Variants in USP36 observed in about 807,000 individuals in gnomAD.
USP36 encodes ubiquitin carboxyl-terminal hydrolase 36.
A neutral mutation model predicts 111.5 loss-of-function variants in USP36; 59 were observed. That is an observed-to-expected ratio of 0.53 (90% confidence interval 0.43 to 0.66). The LOEUF is 0.66. Ranked by LOEUF, USP36 falls within the 30% of genes least tolerant of loss-of-function variation. The pLI is 0.00. For missense variants in USP36, 1,488 were observed against 1,468.0 expected (o/e 1.01, Z -0.22); for synonymous variants, 628 against 581.0 (o/e 1.08, Z -1.16).
intron 5 of USP36, 87 bp downstream of exon 5, chr17:78,828,810 G>C (rs1567963855): frequency 3.0e-6 from 4 of 1,341,772 alleles, no homozygotes; most frequent in Non-Finnish European, 3.1e-6. Flanking sequence ...TTTAAGACCA[G>C]CCTGGGCAAC....
At chr17:78,806,100 C>G (rs995422654) in intron 15 of USP36, 56 bp downstream of exon 15, 5 of 1,608,532 alleles carry the variant, frequency 3.1e-6, no homozygotes, top group African/African-American at 1.3e-5. Context: ...CAGCCAAGCA[C>G]ACGCAACCAC....
rs1408542989 is a variant in USP36, at chr17:78,803,105, ATT to A, written c.2810+278_2810+279del. Among the ~76,000 whole-genome samples, 4 of 151,746 alleles carry A rather than the reference ATT, an allele frequency of 2.6e-5. No homozygotes were observed. The highest frequency in any genetic ancestry group is 1.3e-4 in the Admixed American group (2 of 15,224). ...AGGTGCATGCCACCATGCCCAACCA[ATT>A]TTTGTTTTTGGTAGAGAAAGGGCTT... is the stretch of plus-strand genomic sequence containing the variant. On this transcript the variant is annotated intron_variant, in intron 16 of 20. Transcript: ENST00000449938. This position sits in a 1 kb window ranked among gnomAD's most constrained non-coding sequence, Gnocchi z 4.6.
At position 78,803,804 on chromosome 17, in the gene USP36, C is replaced by G; in HGVS notation, c.2391G>C (p.Gln797His). The change falls in exon 16 of 21, where the codon CAG becomes CAC. Residue 797 changes from glutamine (Q) to histidine (H), a missense_variant. By Grantham distance (24) the Gln-to-His change is conservative. This residue lies in a region of USP36 where 1,073 missense variants were observed against 994.1 expected (regional missense o/e 1.08). Transcript: ENST00000449938. This position sits in a 1 kb window ranked among gnomAD's most constrained non-coding sequence, Gnocchi z 4.6. ...VNEDLVSLPH[Q>H]LPEASEPPQS... is the part of the protein sequence containing the mutation. ...GGGGGGGCTCACTGGCCTCTGGCAA[C>G]TGGTGTGGAAGAGACACAAGGTCCT... is the stretch of plus-strand genomic sequence containing the variant. The G allele has an allele frequency of 1.9e-6, 3 of 1,612,896 alleles. No individual in the cohort carries two copies. The highest frequency in any genetic ancestry group is 1.7e-4 in the Middle Eastern group (1 of 5,978).
chr17:78,834,384 T>C (rs2068450541), intron 4 of USP36, among the ~76,000 whole-genome samples: 1 of 152,106 alleles, frequency 6.6e-6, no homozygotes, highest in Admixed American at 6.6e-5. Context: ...AGTTATATCT[T>C]ATTTCACCTC....
At chr17:78,821,402 ATATATATATATATATATATTTTT>A (rs981678549) in intron 7 of USP36, 3 of 52,816 alleles carry the variant, frequency 5.7e-5, no homozygotes, top group Admixed American at 2.2e-4. Flanking sequence ...ATATATATAT[ATATATATATATATATATATTTTT>A]TTTTTTTTTT....
chr17:78,828,829 A>G (rs1599085588), intron 5 of USP36, 68 bp downstream of exon 5: 6 of 1,474,640 alleles, frequency 4.1e-6, no homozygotes, highest in Non-Finnish European at 5.5e-6. Context: ...ACATAGCGAG[A>G]ACCCCATCTC....
At chr17:78,813,946 G>A in intron 11 of USP36, 73 bp from the exon 12 acceptor site, 3 of 1,349,242 alleles carry the variant, frequency 2.2e-6, no homozygotes, top group Non-Finnish European at 2.1e-6. Flanking sequence ...TTTTAAAAAG[G>A]GAATAAAAAA....
At chr17:78,823,719 T>G (rs1448162568) in intron 6 of USP36, among the ~76,000 whole-genome samples, 1 of 151,856 alleles carries the variant, frequency 6.6e-6, no homozygotes, top group Non-Finnish European at 1.5e-5. Flanking sequence ...CAGGCAGCCT[T>G]AGAAGGGCAG....
intron 1 of USP36, among the ~76,000 whole-genome samples, chr17:78,839,943 C>G (rs929417639): frequency 1.6e-4 from 25 of 152,242 alleles, no homozygotes; most frequent in African/African-American, 5.5e-4. Flanking sequence ...CCGCTCCCTC[C>G]TCCTTCTAAA....
downstream of USP36, among the ~76,000 whole-genome samples, chr17:78,794,549 G>A (rs1451807928): frequency 1.3e-5 from 2 of 152,116 alleles, 1 homozygote; most frequent in Non-Finnish European, 2.9e-5. Context: ...GACTCTGCCC[G>A]CCGCCTGCGA....
chr17:78,821,414 ATATATATTTTT>A (rs1447454361), intron 7 of USP36: 1 of 53,054 alleles, frequency 1.9e-5, no homozygotes, highest in Non-Finnish European at 3.3e-5. Flanking sequence ...ATATATATAT[ATATATATTTTT>A]TTTTTTTTTT....
At chr17:78,813,716 G>A (rs538949913) in intron 12 of USP36, 57 bp downstream of exon 12, 15 of 1,505,938 alleles carry the variant, frequency 1.0e-5, no homozygotes, top group Admixed American at 1.8e-5. Flanking sequence ...GAGGCCCACC[G>A]GTATAAGAAA....
Position 78,806,968 on chromosome 17 carries a change from A to G in USP36, c.2076T>C (p.Ser692=), listed in dbSNP as rs1452869966. 1 of 1,613,846 alleles carries G rather than the reference A, an allele frequency of 6.2e-7. No individual in the cohort carries two copies. Among genetic ancestry groups the G allele is most frequent in the East Asian group, 2.2e-5 (1 of 44,888 alleles). Residue 692 remains serine (S), a synonymous_variant, in exon 14 of 21, where the codon TCT becomes TCC. Transcript: ENST00000449938. Reference sequence around the variant, plus strand: ...ACCCCCACACACCCACCTTCTTGGCAGAAAGGGCCAGTTTTTTGGCTGGTG... The same window carrying G: ...ACCCCCACACACCCACCTTCTTGGCGGAAAGGGCCAGTTTTTTGGCTGGTG... ...SPPPAKKLAL[S]AKKASTLWRA...
In USP36 at chr17:78,803,497, G is replaced by C; in HGVS notation, c.2698C>G (p.Gln900Glu). 6.2e-7 allele frequency: 1 copy of C among 1,613,946 alleles called. No individual in the cohort carries two copies. The highest frequency in any genetic ancestry group is 8.5e-7 in the Non-Finnish European group (1 of 1,180,028). ...DGTQPQVNGQ[Q>E]VGCVTDGHHA... is the part of the protein sequence containing the mutation. ...TGGCCGTCCGTAACACATCCCACCT[G>C]CTGGCCATTCACCTGTGGCTGTGTG... Residue 900 changes from glutamine (Q) to glutamate (E), a missense_variant, in exon 16 of 21, where the codon CAG becomes GAG. Around this residue, in one of 3 missense-constraint regions of USP36, gnomAD observed 1,073 missense variants for 994.1 expected, o/e 1.08. Transcript: ENST00000449938. The surrounding 1 kb of genome is among the most constrained non-coding windows in gnomAD (Gnocchi z 4.6).
chr17:78,818,273 G>T (rs933960485), intron 10 of USP36, among the ~76,000 whole-genome samples: 4 of 152,082 alleles, frequency 2.6e-5, no homozygotes, highest in African/African-American at 9.7e-5. Context: ...TCCCTGCCAG[G>T]ACCAGCCCAA....
chr17:78,835,018 T>TATATATATATATATATATATATATATATA (rs1567972747), intron 4 of USP36, among the ~76,000 whole-genome samples: 2 of 149,124 alleles, frequency 1.3e-5, no homozygotes, highest in African/African-American at 5.0e-5. Flanking sequence ...TATATATATA[T>TATATATATATATATATATATATATATATA]TTTGGAAGTA....
In USP36 at chr17:78,798,760, G is replaced by T; in HGVS notation, c.3240+148C>A. Reference sequence around the variant, plus strand: ...CTGCGAGGATGCATGCCCTGTCCATGGCCACACGCCCGGACAGGCCTGGGC... The same window carrying T: ...CTGCGAGGATGCATGCCCTGTCCATTGCCACACGCCCGGACAGGCCTGGGC... On this transcript the variant is annotated intron_variant, in intron 19 of 20. Coordinates refer to ENST00000449938, the MANE Select transcript of USP36 (RefSeq NM_001385174.1). The surrounding 1 kb of genome is among the most constrained non-coding windows in gnomAD (Gnocchi z 5.1). 1 of 1,215,152 alleles carries T rather than the reference G, an allele frequency of 8.2e-7. No individual in the cohort carries two copies. Among genetic ancestry groups the T allele is most frequent in the South Asian group, 1.4e-5 (1 of 73,376 alleles). The allele number at this position is 1,215,152 out of a possible 1,614,324, so 75.3% of individuals were successfully genotyped here. A position where few individuals can be genotyped will look rare whatever the true frequency, so the allele number is the denominator to read the frequency against.
chr17:78,804,485 A>G (rs958581148), intron 15 of USP36, among the ~76,000 whole-genome samples: 1 of 53,568 alleles, frequency 1.9e-5, no homozygotes, highest in Non-Finnish European at 4.3e-5. Context: ...CAAAAAAACA[A>G]AAACAAAAAC....
chr17:78,802,875 C>T (rs1310390978), intron 16 of USP36, among the ~76,000 whole-genome samples: 2 of 152,202 alleles, frequency 1.3e-5, no homozygotes, highest in Non-Finnish European at 2.9e-5. Context: ...CAATGATGGA[C>T]ACTACTGTCC....
Sources: gnomAD v4.1 joint callset for allele counts (sites outside exome capture counted in the v4.1 genomes callset) on GRCh38, gnomAD v4.1.1 for gene constraint, gnomAD v4.1.1 regional missense constraint, Gnocchi (gnomAD v3.1) non-coding constraint, MANE v1.5 for transcripts, NCBI Gene and HGNC (gene_info 2026-07-23, HGNC 2026-07-21) for gene names.